MNAT1: variants seen among roughly 807,000 people sequenced by gnomAD.
MNAT1 encodes MNAT1 component of CDK activating kinase, also known as CDK-activating kinase assembly factor MAT1.
In MNAT1, 43 loss-of-function variants were observed where a neutral mutation model predicts 42.0. The observed-to-expected ratio is 1.02, with a 90% confidence interval of 0.80 to 1.32. MNAT1 has a LOEUF of 1.32. Ranked by LOEUF, MNAT1 falls within the 40% of genes most tolerant of loss-of-function variation. The probability of loss-of-function intolerance (pLI) is 0.00; values close to 1 mark genes in which losing one functional copy is unlikely to be tolerated. For synonymous variants in MNAT1, 118 were observed against 120.0 expected (o/e 0.98, Z 0.11); for missense variants, 306 against 350.4 (o/e 0.87, Z 1.01).
chr14:60,910,729 G>A (rs1463342127), intron 7 of MNAT1, among the ~76,000 whole-genome samples: 1 of 152,210 alleles, frequency 6.6e-6, no homozygotes, highest in African/African-American at 2.4e-5. Flanking sequence ...TGGTTTGCCA[G>A]TATTTTATTG....
chr14:60,915,850 AAACTT>A (rs2035501290), intron 7 of MNAT1, among the ~76,000 whole-genome samples: 1 of 152,216 alleles, frequency 6.6e-6, no homozygotes, highest in Non-Finnish European at 1.5e-5. Flanking sequence ...ATTTTACCTC[AAACTT>A]AACTTAAAAA....
chr14:60,940,874 A>G (rs1434784365), intron 7 of MNAT1, among the ~76,000 whole-genome samples: 1 of 152,100 alleles, frequency 6.6e-6, no homozygotes, highest in Admixed American at 6.5e-5. Context: ...AAATTAGAAT[A>G]GCCTGAGAAG....
intron 1 of MNAT1, among the ~76,000 whole-genome samples, chr14:60,749,163 T>C (rs888199234): frequency 6.6e-5 from 10 of 152,214 alleles, no homozygotes; most frequent in African/African-American, 2.4e-4. Flanking sequence ...TATCCAGATT[T>C]GTACCTGCAG....
intron 7 of MNAT1, among the ~76,000 whole-genome samples, chr14:60,913,208 A>G (rs1292668089): frequency 2.0e-5 from 3 of 151,940 alleles, no homozygotes; most frequent in African/African-American, 7.3e-5. Context: ...TGCATTGGTT[A>G]TTCTAGTTGT....
At chr14:60,929,170 A>ATATAT (rs1555336770) in intron 7 of MNAT1, among the ~76,000 whole-genome samples, 18 of 47,446 alleles carry the variant, frequency 3.8e-4, no homozygotes, top group South Asian at 2.6e-3. Context: ...AAAAAAAAAA[A>ATATAT]ATATATATAT....
intron 1 of MNAT1, among the ~76,000 whole-genome samples, chr14:60,760,088 T>G (rs2030532655): frequency 6.6e-6 from 1 of 152,178 alleles, no homozygotes; most frequent in South Asian, 2.1e-4. Context: ...TTGGTACAAT[T>G]AAATATATCT....
At chr14:60,892,841 A>T (rs1158956747) in intron 7 of MNAT1, among the ~76,000 whole-genome samples, 2 of 152,134 alleles carry the variant, frequency 1.3e-5, no homozygotes, top group African/African-American at 4.8e-5. Flanking sequence ...CTTCAGTAAC[A>T]TGCAGAAACT....
intron 7 of MNAT1, among the ~76,000 whole-genome samples, chr14:60,914,163 G>A (rs1217012613): frequency 1.3e-5 from 2 of 152,238 alleles, no homozygotes; most frequent in Admixed American, 1.3e-4. Flanking sequence ...CGTTTGTTAA[G>A]CCTGTTGGAA....
At chr14:60,748,996 A>G (rs545524137) in intron 1 of MNAT1, among the ~76,000 whole-genome samples, 5 of 152,190 alleles carry the variant, frequency 3.3e-5, no homozygotes, top group Non-Finnish European at 7.4e-5. Flanking sequence ...TGTTATGCTA[A>G]GATGTTAGGA....
At chr14:60,777,204 C>T (rs1450231598) in intron 1 of MNAT1, among the ~76,000 whole-genome samples, 3 of 152,146 alleles carry the variant, frequency 2.0e-5, no homozygotes, top group African/African-American at 4.8e-5. Context: ...GGGAAATATG[C>T]TTAAATAGCT....
rs2035382427 is a variant in MNAT1 at position 60,912,037 on chromosome 14, A to T, written c.809+32202A>T. 4.0e-5 allele frequency among the ~76,000 whole-genome samples: 6 copies of T among 151,762 alleles called. No individual in the cohort carries two copies. The South Asian group carries it at 1.2e-3, about 32-fold the overall frequency. On this transcript the variant is annotated intron_variant, in intron 7 of 7. Transcript: ENST00000261245. ...GGGTGCATATATATTTAGGATAGTT[A>T]GCTCTTCTTGTTGAATTGATCCCTT...
chr14:60,799,499 C>T, intron 3 of MNAT1: 1 of 724,896 alleles, frequency 1.4e-6, no homozygotes, highest in African/African-American at 1.9e-5. Flanking sequence ...TGTGATTAGT[C>T]AAAAGTCTGG....
At chr14:60,907,695 T>C (rs2035233670) in intron 7 of MNAT1, among the ~76,000 whole-genome samples, 1 of 148,564 alleles carries the variant, frequency 6.7e-6, no homozygotes, top group African/African-American at 2.5e-5. Context: ...GGCAGGAGAA[T>C]TGCTTGAACC....
At chr14:60,948,727 C>T (rs568646295) in intron 7 of MNAT1, among the ~76,000 whole-genome samples, 1 of 152,296 alleles carries the variant, frequency 6.6e-6, no homozygotes, top group Non-Finnish European at 1.5e-5. Flanking sequence ...TTTGTCTTCT[C>T]ATCTAGCACT....
chr14:60,944,694 C>T (rs966434857), intron 7 of MNAT1, among the ~76,000 whole-genome samples: 7 of 152,146 alleles, frequency 4.6e-5, no homozygotes, highest in African/African-American at 1.7e-4. Flanking sequence ...GAACAATATA[C>T]AAGAAGTGCC....
intron 6 of MNAT1, among the ~76,000 whole-genome samples, chr14:60,828,221 AC>A (rs1333959452): frequency 6.6e-6 from 1 of 152,112 alleles, no homozygotes; most frequent in African/African-American, 2.4e-5. Flanking sequence ...TAATTACTCA[AC>A]TCTTAAAAAA....
chr14:60,838,236 A>G (rs892170793), intron 6 of MNAT1, among the ~76,000 whole-genome samples: 2 of 151,962 alleles, frequency 1.3e-5, no homozygotes, highest in African/African-American at 4.8e-5. Flanking sequence ...CCTGGGCTCA[A>G]GCAGTTACCC....
At chr14:60,862,701 T>C (rs1213973547) in intron 6 of MNAT1, among the ~76,000 whole-genome samples, 1 of 152,150 alleles carries the variant, frequency 6.6e-6, no homozygotes, top group Non-Finnish European at 1.5e-5. Context: ...AGATGGAAAA[T>C]CATAAGAACC....
At chr14:60,766,868 C>T (rs1474043611) in intron 1 of MNAT1, among the ~76,000 whole-genome samples, 1 of 152,042 alleles carries the variant, frequency 6.6e-6, no homozygotes, top group East Asian at 1.9e-4. Flanking sequence ...TTTGTTAGAA[C>T]TTCAAATACA....
Sources: allele counts gnomAD v4.1 joint callset (sites outside exome capture counted in the v4.1 genomes callset), GRCh38; gene constraint gnomAD v4.1.1; transcripts MANE v1.5; gene names NCBI Gene and HGNC (gene_info 2026-07-23, HGNC 2026-07-21).